MAL2: variants seen among roughly 807,000 people sequenced by gnomAD.
The protein encoded by MAL2 is protein MAL2.
MAL2 carries 17 observed loss-of-function variants against 18.1 expected under a neutral mutation model. The observed-to-expected ratio is 0.94, with a 90% CI of 0.64 to 1.41. MAL2 has a LOEUF of 1.41. MAL2 is among the 40% of genes most tolerant of loss of function. The probability of loss-of-function intolerance (pLI) is 0.00; values close to 1 mark genes in which losing one functional copy is unlikely to be tolerated. For missense variants in MAL2, 222 were observed against 231.9 expected (o/e 0.96, Z 0.28); for synonymous variants, 102 against 102.3 (o/e 1.00, Z 0.02).
Position 119,243,427 on chromosome 8 carries a change from T to A in MAL2, c.470T>A (p.Phe157Tyr). ...TTTCTTTTTTCTTAGATTTTTGCCT[T>A]TATGACGACAGCTTGTTATGGTTGC... ...NINVAASIFA[F>Y]MTTACYGCSL... Residue 157 changes from phenylalanine (F) to tyrosine (Y), a missense_variant, in exon 4 of 4, where the codon TTT (phenylalanine) becomes TAT (tyrosine). Physicochemically the swap from Phe to Tyr is conservative, Grantham distance 22. Coordinates refer to ENST00000614891, the MANE Select transcript of MAL2 (RefSeq NM_052886.3). The A allele has an allele frequency of 6.3e-7, 1 of 1,594,450 alleles. No homozygotes were observed. Among genetic ancestry groups the A allele is most frequent in the East Asian group, 2.3e-5 (1 of 44,442 alleles).
At position 119,244,492 on chromosome 8, in the gene MAL2, A is replaced by T. The variant is rs539857848; in HGVS notation, c.*1004A>T. ...ACTGGTATCTAGCTACTGATGTCTT[A>T]CTTTGAGTTTATTTATGCTTCAGAA... On this transcript the variant is annotated 3_prime_UTR_variant, in exon 4 of 4. Transcript: ENST00000614891. The T allele has an allele frequency of 4.0e-4, 61 of 152,300 alleles. No homozygotes were observed. Among genetic ancestry groups the T allele is most frequent in the African/African-American group, 1.3e-3 (53 of 41,586 alleles). 9.4% of individuals were successfully genotyped at this position (152,300 alleles called of 1,614,324 possible).
chr8:119,208,541 C>A lies in MAL2; in HGVS notation c.69C>A (p.Val23=), dbSNP rs756666949. The change falls in exon 1 of 4, where the codon GTC becomes GTA. Residue 23 remains valine, a synonymous_variant. Transcript: ENST00000614891. The surrounding 1 kb of genome is among the most constrained non-coding windows in gnomAD (Gnocchi z 4.3). The part of the protein sequence containing the change: ...NPAVSFPPPR[V]TLPAGPDILR... ...CCGTGTCCTTCCCGCCGCCCCGGGT[C>A]ACCCTGCCCGCCGGCCCCGACATCC... 2.9e-4 allele frequency: 399 copies of A among 1,398,818 alleles called. No individual in the cohort carries two copies. The highest frequency in any genetic ancestry group is 3.6e-4 in the Non-Finnish European group (384 of 1,072,094). 86.7% of individuals were successfully genotyped at this position (1,398,818 alleles called of 1,614,324 possible).
Position 119,230,869 on chromosome 8 carries a change from G to A in MAL2, c.303+9112G>A, listed in dbSNP as rs183948993. Among the ~76,000 whole-genome samples, 19 of 152,250 alleles carry A rather than the reference G, an allele frequency of 1.2e-4. No homozygotes were observed. In the East Asian group the frequency reaches 3.1e-3, roughly 25 times the overall value. Reference sequence around the variant, plus strand: ...GTATTTGAGCATCTCTCCTACAAACGTGTGGCCAGTATGTAACACTTTTCT... The same window carrying A: ...GTATTTGAGCATCTCTCCTACAAACATGTGGCCAGTATGTAACACTTTTCT... On this transcript the variant is annotated intron_variant, in intron 2 of 3. Transcript: ENST00000614891.
At chr8:119,215,271 A>G (rs954068338) in intron 1 of MAL2, 1 of 152,124 alleles carries the variant, frequency 6.6e-6, no homozygotes, top group Non-Finnish European at 1.5e-5. Flanking sequence ...TTTCATGCCT[A>G]TTTTTGGACA....
intron 1 of MAL2, among the ~76,000 whole-genome samples, chr8:119,219,117 A>ATT (rs1817413643): frequency 6.6e-6 from 1 of 152,208 alleles, no homozygotes; most frequent in Admixed American, 6.5e-5. Flanking sequence ...GGTGGTGGTT[A>ATT]AATGTTTAAG....
chr8:119,225,998 T>C (rs981756849), intron 2 of MAL2, among the ~76,000 whole-genome samples: 3 of 152,224 alleles, frequency 2.0e-5, no homozygotes, highest in African/African-American at 7.2e-5. Context: ...TTGAGTTCAT[T>C]GTAGATTCTG....
chr8:119,212,773 A>G (rs1026300996), intron 1 of MAL2, among the ~76,000 whole-genome samples: 1 of 152,158 alleles, frequency 6.6e-6, no homozygotes, highest in Non-Finnish European at 1.5e-5. Context: ...ACACAGAGAC[A>G]AGAAGGACAA....
Position 119,232,200 on chromosome 8 carries a change from CGATA to C in MAL2, c.304-7964_304-7961del, listed in dbSNP as rs960806133. ...GTATAAATATTTAAAAACATGTACA[CGATA>C]AATATGTATTTTTCTCAATTAAAAT... On this transcript the variant is annotated intron_variant, in intron 2 of 3. Coordinates refer to ENST00000614891, the MANE Select transcript of MAL2 (RefSeq NM_052886.3). 2.1e-4 allele frequency among the ~76,000 whole-genome samples: 32 copies of C among 151,486 alleles called. 1 individual carries two copies. The highest frequency in any genetic ancestry group is 7.8e-4 in the African/African-American group (32 of 41,092).
chr8:119,222,119 C>T (rs899790613), intron 2 of MAL2, among the ~76,000 whole-genome samples: 1 of 152,210 alleles, frequency 6.6e-6, no homozygotes, highest in African/African-American at 2.4e-5. Flanking sequence ...CCATTAATTT[C>T]TGCCCCAGAT....
At chr8:119,234,212 A>G (rs1817815090) in intron 2 of MAL2, among the ~76,000 whole-genome samples, 2 of 152,176 alleles carry the variant, frequency 1.3e-5, no homozygotes, top group African/African-American at 4.8e-5. Flanking sequence ...GCACCGGGAA[A>G]ATCGGGTCAC....
chr8:119,213,541 G>A (rs1160709628), intron 1 of MAL2, among the ~76,000 whole-genome samples: 4 of 152,074 alleles, frequency 2.6e-5, no homozygotes, highest in African/African-American at 7.2e-5. Flanking sequence ...TCTTTAGGCC[G>A]GGTGCAGTGG....
chr8:119,229,369 G>A (rs1031985874), intron 2 of MAL2, among the ~76,000 whole-genome samples: 8 of 147,380 alleles, frequency 5.4e-5, no homozygotes, highest in African/African-American at 2.0e-4. Flanking sequence ...CTGGAGTGCA[G>A]TGGCAGGATC....
chr8:119,242,307 G>A (rs991968451), intron 3 of MAL2, among the ~76,000 whole-genome samples: 2 of 152,086 alleles, frequency 1.3e-5, no homozygotes, highest in Non-Finnish European at 2.9e-5. Flanking sequence ...CTTCTCTTTT[G>A]TGACTTTGTC....
intron 2 of MAL2, among the ~76,000 whole-genome samples, chr8:119,231,565 C>T (rs1180875896): frequency 6.6e-6 from 1 of 152,116 alleles, no homozygotes; most frequent in Non-Finnish European, 1.5e-5. Context: ...AAAAATAGAA[C>T]TACCATATGA....
intron 2 of MAL2, among the ~76,000 whole-genome samples, chr8:119,236,132 G>A (rs1249396507): frequency 8.3e-4 from 56 of 67,070 alleles, no homozygotes; most frequent in Non-Finnish European, 1.2e-3. Flanking sequence ...AAAAAAGGCA[G>A]GGGTTGCAAT....
intron 2 of MAL2, among the ~76,000 whole-genome samples, chr8:119,226,241 A>T (rs1587129419): frequency 6.6e-6 from 1 of 152,124 alleles, no homozygotes; most frequent in African/African-American, 2.4e-5. Context: ...GGTATTGCCT[A>T]GGTTTTCTTC....
At chr8:119,238,990 A>G (rs1817982198) in intron 2 of MAL2, among the ~76,000 whole-genome samples, 1 of 151,690 alleles carries the variant, frequency 6.6e-6, no homozygotes, top group African/African-American at 2.4e-5. Context: ...TGAACAGGCA[A>G]CCTACAAAAT....
At chr8:119,239,945 A>T (rs1379530956) in intron 2 of MAL2, among the ~76,000 whole-genome samples, 1 of 152,168 alleles carries the variant, frequency 6.6e-6, no homozygotes, top group Non-Finnish European at 1.5e-5. Flanking sequence ...AATTCAGTAT[A>T]TGGAAAGGTT....
chr8:119,224,577 G>A (rs181781353), intron 2 of MAL2, among the ~76,000 whole-genome samples: 7 of 152,068 alleles, frequency 4.6e-5, no homozygotes, highest in Admixed American at 2.0e-4. Context: ...TAGGGTACAT[G>A]TGGTTTTTTA....
Sources: allele counts gnomAD v4.1 joint callset (sites outside exome capture counted in the v4.1 genomes callset), GRCh38; gene constraint gnomAD v4.1.1; non-coding constraint Gnocchi (gnomAD v3.1); transcripts MANE v1.5; gene names NCBI Gene and HGNC (gene_info 2026-07-23, HGNC 2026-07-21).